Variants in RPTOR observed in about 807,000 individuals in gnomAD.
RPTOR encodes regulatory associated protein of MTOR complex 1.
Under a neutral mutation model 169.9 loss-of-function variants are expected in RPTOR, and 21 were observed. The ratio of observed to expected loss-of-function variants is 0.12; its 90% CI spans 0.09 to 0.18. The LOEUF (loss-of-function observed/expected upper bound fraction) is 0.18. RPTOR is among the 10% of genes least tolerant of loss of function. The pLI is 1.00. For missense variants in RPTOR, 1,133 were observed against 1,855.9 expected (o/e 0.61, Z 7.16); for synonymous variants, 732 against 753.2 (o/e 0.97, Z 0.46).
chr17:80,635,083 C>G (rs2065495913), intron 2 of RPTOR, among the ~76,000 whole-genome samples: 1 of 152,186 alleles, frequency 6.6e-6, no homozygotes, highest in Non-Finnish European at 1.5e-5. Context: ...ACCTTGGTAT[C>G]CTTTGTCCTT....
chr17:80,760,631 A>G (rs1025495336), intron 6 of RPTOR, among the ~76,000 whole-genome samples: 5 of 151,434 alleles, frequency 3.3e-5, no homozygotes, highest in African/African-American at 1.2e-4. Flanking sequence ...GGAAACAGGC[A>G]GTTGGCCAGA....
At chr17:80,729,576 C>T (rs948967667) in intron 4 of RPTOR, among the ~76,000 whole-genome samples, 2 of 152,220 alleles carry the variant, frequency 1.3e-5, no homozygotes, top group African/African-American at 4.8e-5. Context: ...GGTTATTGTT[C>T]TGTGACTGAA....
At chr17:80,792,151 A>T (rs934371666) in intron 7 of RPTOR, among the ~76,000 whole-genome samples, 31 of 152,128 alleles carry the variant, frequency 2.0e-4, no homozygotes, top group African/African-American at 6.3e-4. Context: ...TGTGCACCGG[A>T]TTCATCGTGA....
intron 20 of RPTOR, among the ~76,000 whole-genome samples, chr17:80,907,115 G>T (rs1438845629): frequency 6.6e-6 from 1 of 152,212 alleles, no homozygotes; most frequent in East Asian, 1.9e-4. Context: ...CCCACTCCAC[G>T]TGCGCAGCTG....
intron 1 of RPTOR, among the ~76,000 whole-genome samples, chr17:80,546,119 G>A (rs2084271279): frequency 6.6e-6 from 1 of 152,204 alleles, no homozygotes; most frequent in Admixed American, 6.5e-5. Context: ...AACACTTAGA[G>A]GAAGGACAAC....
intron 3 of RPTOR, among the ~76,000 whole-genome samples, chr17:80,693,726 C>A (rs2066012479): frequency 6.6e-6 from 1 of 152,350 alleles, no homozygotes; most frequent in African/African-American, 2.4e-5. Flanking sequence ...TCAGCCACCC[C>A]CTTCCACGCA....
At chr17:80,661,773 C>G (rs1049270745) in intron 3 of RPTOR, among the ~76,000 whole-genome samples, 2 of 151,960 alleles carry the variant, frequency 1.3e-5, no homozygotes, top group African/African-American at 4.8e-5. Context: ...CCTGGTTCTC[C>G]CAGTATGGGT....
chr17:80,751,241 G>A (rs540776275), intron 5 of RPTOR, among the ~76,000 whole-genome samples: 65 of 152,312 alleles, frequency 4.3e-4, no homozygotes, highest in African/African-American at 1.5e-3. Context: ...CAGCTTTCGT[G>A]TTGGCGTCGT....
intron 1 of RPTOR, among the ~76,000 whole-genome samples, chr17:80,570,340 A>T (rs1007468116): frequency 2.6e-5 from 4 of 152,200 alleles, no homozygotes; most frequent in African/African-American, 9.7e-5. Context: ...TGGAAGTGGT[A>T]GTCCCCCCAA....
chr17:80,825,098 G>C (rs2143625787), intron 9 of RPTOR, among the ~76,000 whole-genome samples: 1 of 149,392 alleles, frequency 6.7e-6, no homozygotes, highest in Non-Finnish European at 1.5e-5. Context: ...ACGTGGCGAG[G>C]TCAGCGTGGG....
chr17:80,757,541 A>T (rs957823066), intron 6 of RPTOR, among the ~76,000 whole-genome samples: 15 of 152,134 alleles, frequency 9.9e-5, no homozygotes, highest in Admixed American at 6.5e-4. Flanking sequence ...GTTTTGGGTT[A>T]CTATAACAGA....
chr17:80,666,929 T>G (rs2065784738), intron 3 of RPTOR, among the ~76,000 whole-genome samples: 1 of 152,166 alleles, frequency 6.6e-6, no homozygotes, highest in South Asian at 2.1e-4. Flanking sequence ...TACCGTATCC[T>G]CAGAGAAGGC....
chr17:80,924,364 G>A (rs528721016), intron 23 of RPTOR, among the ~76,000 whole-genome samples: 1 of 152,252 alleles, frequency 6.6e-6, no homozygotes, highest in East Asian at 1.9e-4. Context: ...CTGACAGCAT[G>A]ATCATCTCAG....
chr17:80,894,023 G>A (rs915377851), intron 20 of RPTOR, among the ~76,000 whole-genome samples, 158 bp downstream of exon 20: 7 of 152,218 alleles, frequency 4.6e-5, no homozygotes, highest in Non-Finnish European at 8.8e-5. Context: ...CAGGGAGAAC[G>A]TTTTGCTGGG....
At chr17:80,588,745 G>A (rs891257212) in intron 1 of RPTOR, among the ~76,000 whole-genome samples, 2 of 152,040 alleles carry the variant, frequency 1.3e-5, no homozygotes, top group Non-Finnish European at 2.9e-5. Context: ...CCCTTTTCCT[G>A]TTGTATTGTT....
chr17:80,630,357 C>T lies in RPTOR; in HGVS notation c.265+4564C>T, dbSNP rs575909587. ...AGAATTTGTTGTTGTAATGGTTATACCCACTGCAACAGCACTCTTAGTTCT... is the reference window on the plus strand; with the variant it reads ...AGAATTTGTTGTTGTAATGGTTATATCCACTGCAACAGCACTCTTAGTTCT... On this transcript the variant is annotated intron_variant, in intron 2 of 33. Coordinates refer to ENST00000306801, the MANE Select transcript of RPTOR (RefSeq NM_020761.3). 3.2e-4 allele frequency among the ~76,000 whole-genome samples: 49 copies of T among 152,290 alleles called. No individual in the cohort carries two copies. The South Asian group carries it at 1.0e-2, about 31-fold the overall frequency.
chr17:80,963,282 T>C (rs933469256), intron 33 of RPTOR, among the ~76,000 whole-genome samples: 3 of 152,020 alleles, frequency 2.0e-5, no homozygotes, highest in African/African-American at 7.3e-5. Flanking sequence ...CCGGGAGGAA[T>C]TGACACACAG....
intron 6 of RPTOR, among the ~76,000 whole-genome samples, chr17:80,780,142 G>C (rs1490109286): frequency 6.6e-6 from 1 of 152,186 alleles, no homozygotes; most frequent in African/African-American, 2.4e-5. Flanking sequence ...CAGACACACG[G>C]CCCATAAAGC....
intron 1 of RPTOR, among the ~76,000 whole-genome samples, chr17:80,610,654 A>T (rs1217538851): frequency 6.6e-6 from 1 of 152,026 alleles, no homozygotes; most frequent in African/African-American, 2.4e-5. Context: ...TCCTGATGTG[A>T]TCCTTCAGCT....
Sources: gnomAD v4.1 joint callset for allele counts (sites outside exome capture counted in the v4.1 genomes callset) on GRCh38, gnomAD v4.1.1 for gene constraint, MANE v1.5 for transcripts, NCBI Gene and HGNC (gene_info 2026-07-23, HGNC 2026-07-21) for gene names.